VPS8: variants seen among roughly 807,000 people sequenced by gnomAD.
The protein encoded by VPS8 is VPS8 subunit of CORVET complex.
VPS8 carries 129 observed loss-of-function variants against 216.4 expected under a neutral mutation model. That is an observed-to-expected ratio of 0.60 (90% CI 0.52 to 0.69). VPS8 has a LOEUF of 0.69. Among genes scored for constraint, VPS8 ranks in the 30% least tolerant of loss-of-function variants. VPS8 has a pLI of 0.00. For synonymous variants in VPS8, 571 were observed against 565.4 expected (o/e 1.01, Z -0.14); for missense variants, 1,531 against 1,683.5 (o/e 0.91, Z 1.59).
intron 35 of VPS8, among the ~76,000 whole-genome samples, chr3:184,937,456 C>T (rs1174249337): frequency 6.6e-6 from 1 of 152,184 alleles, no homozygotes; most frequent in East Asian, 1.9e-4. Context: ...TACTCTCTAC[C>T]AGTGTGCTAG....
At chr3:184,873,616 G>T (rs983479105) in intron 21 of VPS8, among the ~76,000 whole-genome samples, 1 of 151,978 alleles carries the variant, frequency 6.6e-6, no homozygotes, top group African/African-American at 2.4e-5. Flanking sequence ...TGGGCTTCAG[G>T]GTTTACATCC....
intron 25 of VPS8, among the ~76,000 whole-genome samples, chr3:184,906,383 G>A (rs943233315): frequency 5.9e-5 from 9 of 152,188 alleles, no homozygotes; most frequent in African/African-American, 1.9e-4. Context: ...CTTGAGCATA[G>A]TAATGTGTTG....
intron 36 of VPS8, among the ~76,000 whole-genome samples, chr3:184,949,719 G>A (rs1465466665): frequency 1.3e-5 from 2 of 151,980 alleles, no homozygotes; most frequent in African/African-American, 2.4e-5. Context: ...CACATTTAAT[G>A]TATTTTTCAG....
intron 7 of VPS8, among the ~76,000 whole-genome samples, chr3:184,842,937 T>A (rs928998967): frequency 2.0e-5 from 3 of 152,096 alleles, no homozygotes; most frequent in African/African-American, 7.2e-5. Context: ...CTTTTTTTTT[T>A]TGGTTATTAG....
chr3:185,025,714 A>G (rs910070289), intron 46 of VPS8, among the ~76,000 whole-genome samples: 1 of 152,222 alleles, frequency 6.6e-6, no homozygotes, highest in African/African-American at 2.4e-5. Flanking sequence ...CTCAGTAAGT[A>G]GACGAGGAAA....
At chr3:184,825,775 G>A (rs1222744404) in intron 2 of VPS8, among the ~76,000 whole-genome samples, 3 of 152,030 alleles carry the variant, frequency 2.0e-5, no homozygotes, top group Non-Finnish European at 2.9e-5. Flanking sequence ...GTGGTGGCAC[G>A]TGCCTGTACT....
At chr3:184,864,817 T>C (rs909189430) in intron 16 of VPS8, among the ~76,000 whole-genome samples, 4 of 151,998 alleles carry the variant, frequency 2.6e-5, no homozygotes, top group African/African-American at 9.7e-5. Flanking sequence ...CCCATCCAAT[T>C]AGAGATTACT....
intron 36 of VPS8, among the ~76,000 whole-genome samples, chr3:184,950,216 CTTTTT>C (rs10700220): frequency 5.0e-5 from 2 of 39,930 alleles, no homozygotes; most frequent in Admixed American, 4.4e-4. Context: ...CAGTTTTCTG[CTTTTT>C]TTTTTTTTTT....
Position 184,996,275 on chromosome 3 carries a change from T to G in VPS8, c.3667-57T>G, listed in dbSNP as rs988844830. 3 of 1,513,426 alleles carry G rather than the reference T, an allele frequency of 2.0e-6. No homozygotes were observed. The East Asian group carries it at 6.8e-5, about 35-fold the overall frequency. The allele number at this position is 1,513,426 out of a possible 1,614,324, so 93.7% of individuals were successfully genotyped here. ...AGTGCTATTCACCATTCATCTCCTC[T>G]ATCTCTTTCATCTTATAACCTTTTG... On this transcript the variant is annotated intron_variant, in intron 43 of 47. Coordinates refer to ENST00000625842, the MANE Select transcript of VPS8 (RefSeq NM_001009921.3).
At chr3:184,819,290 A>G (rs1717027505) in intron 1 of VPS8, among the ~76,000 whole-genome samples, 1 of 152,190 alleles carries the variant, frequency 6.6e-6, no homozygotes, top group Non-Finnish European at 1.5e-5. Context: ...TGTATTTCCT[A>G]TCAGATTAAT....
intron 23 of VPS8, 52 bp downstream of exon 23, chr3:184,894,977 T>C: frequency 6.9e-7 from 1 of 1,447,546 alleles, no homozygotes; most frequent in Non-Finnish European, 9.4e-7. Context: ...ATTCCTTTAT[T>C]GATAACACTT....
intron 46 of VPS8, among the ~76,000 whole-genome samples, chr3:185,042,565 G>T (rs192528380): frequency 1.4e-4 from 22 of 152,272 alleles, no homozygotes; most frequent in Non-Finnish European, 2.8e-4. Context: ...TCAGGATAAT[G>T]ATGACTCAGG....
chr3:184,923,537 G>A (rs1209443976), intron 29 of VPS8, among the ~76,000 whole-genome samples: 2 of 151,998 alleles, frequency 1.3e-5, no homozygotes, highest in Admixed American at 1.3e-4. Flanking sequence ...CCCATGTACT[G>A]CTGACAGGAT....
chr3:184,969,159 C>T (rs1249818565), intron 39 of VPS8, among the ~76,000 whole-genome samples: 1 of 152,020 alleles, frequency 6.6e-6, no homozygotes, highest in Non-Finnish European at 1.5e-5. Context: ...GCTCTGTTGC[C>T]CAGGCTGGAG....
intron 35 of VPS8, among the ~76,000 whole-genome samples, chr3:184,938,135 A>G (rs1229431257): frequency 6.6e-6 from 1 of 152,206 alleles, no homozygotes; most frequent in Non-Finnish European, 1.5e-5. Flanking sequence ...TGGAGAGGAC[A>G]GATTTAGGAC....
intron 22 of VPS8, among the ~76,000 whole-genome samples, chr3:184,887,409 C>CT (rs140218240): frequency 0.082 from 12,153 of 147,322 alleles, 592 homozygotes; most frequent in Non-Finnish European, 0.11. Context: ...TTTTTTTTTT[C>CT]TTTTTTTTTT....
chr3:184,901,360 C>T (rs1375108182), intron 25 of VPS8: 2 of 171,316 alleles, frequency 1.2e-5, no homozygotes, highest in African/African-American at 4.8e-5. Flanking sequence ...CCTTTTACCA[C>T]TGAATGATAG....
At chr3:185,051,788 C>T in intron 47 of VPS8, 88 bp from the exon 48 acceptor site, 1 of 1,415,168 alleles carries the variant, frequency 7.1e-7, no homozygotes, top group African/African-American at 1.5e-5. Context: ...ACAGCACTGT[C>T]TCTCATGTAT....
intron 39 of VPS8, among the ~76,000 whole-genome samples, chr3:184,968,041 C>G (rs1247268154): frequency 6.6e-6 from 1 of 152,106 alleles, no homozygotes; most frequent in South Asian, 2.1e-4. Flanking sequence ...CCCTATTCCC[C>G]TCTCCTCCCA....
Sources: allele counts gnomAD v4.1 joint callset (sites outside exome capture counted in the v4.1 genomes callset), GRCh38; gene constraint gnomAD v4.1.1; transcripts MANE v1.5; gene names NCBI Gene and HGNC (gene_info 2026-07-23, HGNC 2026-07-21).